COL21A1: variants seen among roughly 807,000 people sequenced by gnomAD.
The protein encoded by COL21A1 is collagen alpha-1(XXI) chain.
COL21A1 carries 149 observed loss-of-function variants against 137.9 expected under a neutral mutation model. The observed-to-expected ratio is 1.08, with a 90% CI of 0.95 to 1.24. COL21A1 has a LOEUF of 1.24. Among genes scored for constraint, COL21A1 ranks in the 50% most tolerant of loss-of-function variants. The pLI is 0.00. For synonymous variants in COL21A1, 456 were observed against 391.5 expected, an observed-to-expected ratio of 1.16 and a Z score of -1.95; for missense variants, 1,167 against 1,158.4, an observed-to-expected ratio of 1.01 and a Z score of -0.11.
In COL21A1 at chr6:56,171,011, T is replaced by G; in HGVS notation, c.758A>C (p.Lys253Thr). Residue 253 changes from lysine to threonine, a missense_variant, in exon 4 of 30, where the codon AAG (lysine) becomes ACG (threonine). Physicochemically the swap from Lys to Thr is moderately conservative, Grantham distance 78 (BLOSUM62 -1). Coordinates refer to ENST00000244728, the MANE Select transcript of COL21A1 (RefSeq NM_030820.4). The part of the protein sequence containing the change: ...VKKRIQLSPK[K>T]IKGYEVTSKV... Reference sequence around the variant, plus strand: ...TGATGTTACTTCATATCCTTTTATCTTTTTTGGTGAAAGCTGTATTCTTTT... The same window carrying G: ...TGATGTTACTTCATATCCTTTTATCGTTTTTGGTGAAAGCTGTATTCTTTT... The G allele has an allele frequency of 6.2e-7, 1 of 1,603,978 alleles. No individual in the cohort carries two copies. The highest frequency in any genetic ancestry group is 1.7e-4 in the Middle Eastern group (1 of 6,008).
At chr6:56,277,840 A>G (rs1366622390) in intron 1 of COL21A1, among the ~76,000 whole-genome samples, 1 of 152,240 alleles carries the variant, frequency 6.6e-6, no homozygotes, top group Non-Finnish European at 1.5e-5. Flanking sequence ...GGTTATTAAG[A>G]TACAGACTTA....
In COL21A1 at chr6:56,168,307, G is replaced by C; in HGVS notation, c.1027-10C>G. On this transcript the variant is annotated splice_polypyrimidine_tract_variant and intron_variant, in intron 5 of 29. Transcript: ENST00000244728. ...CTTCATCAAACAACGTCTACAAAAA[G>C]AAAGTGTGGAAGATTCATAAATAAA... The C allele has an allele frequency of 1.3e-6, 2 of 1,520,258 alleles. No homozygotes were observed. Among genetic ancestry groups the C allele is most frequent in the South Asian group, 1.3e-5 (1 of 75,236 alleles). The allele number at this position is 1,520,258 out of a possible 1,614,324, so 94.2% of individuals were successfully genotyped here. A position where few individuals can be genotyped will look rare whatever the true frequency, so the allele number is the denominator to read the frequency against.
At chr6:56,202,514 T>C (rs1194075058) in intron 1 of COL21A1, among the ~76,000 whole-genome samples, 2 of 149,714 alleles carry the variant, frequency 1.3e-5, no homozygotes, top group Admixed American at 6.6e-5. Flanking sequence ...TTTAATTCGA[T>C]CTTTTTCTAC....
At chr6:56,077,443 A>G (rs1767341031) in intron 18 of COL21A1, 86 bp downstream of exon 18, 1 of 884,818 alleles carries the variant, frequency 1.1e-6, no homozygotes, top group Non-Finnish European at 1.7e-6. Context: ...AACTGTTACC[A>G]CAAATGTAAA....
At chr6:56,351,426 A>G (rs908461082) in intron 1 of COL21A1, among the ~76,000 whole-genome samples, 1 of 152,224 alleles carries the variant, frequency 6.6e-6, no homozygotes, top group Non-Finnish European at 1.5e-5. Context: ...GCACACCAGC[A>G]CATGAAGCTA....
intron 1 of COL21A1, among the ~76,000 whole-genome samples, chr6:56,320,753 A>G (rs930802999): frequency 6.6e-6 from 1 of 152,162 alleles, no homozygotes; most frequent in African/African-American, 2.4e-5. Flanking sequence ...CACCTTATCA[A>G]AAACCCTAAT....
At chr6:56,375,850 T>G (rs962912689) in intron 1 of COL21A1, among the ~76,000 whole-genome samples, 10 of 152,136 alleles carry the variant, frequency 6.6e-5, no homozygotes, top group African/African-American at 2.2e-4. Context: ...GTAGCAGACA[T>G]ATTGCATTCA....
intron 24 of COL21A1, among the ~76,000 whole-genome samples, chr6:56,063,206 G>A (rs1459521578): frequency 6.6e-6 from 1 of 152,136 alleles, no homozygotes; most frequent in Non-Finnish European, 1.5e-5. Flanking sequence ...TTTTCCTTGA[G>A]AAGTGAAAAA....
intron 15 of COL21A1, 29 bp from the exon 16 acceptor site, chr6:56,124,144 T>A: frequency 6.5e-7 from 1 of 1,536,070 alleles, no homozygotes; most frequent in Non-Finnish European, 8.8e-7. Context: ...TGCTTTAATA[T>A]ATTTTTGCAC....
intron 1 of COL21A1, among the ~76,000 whole-genome samples, chr6:56,364,720 TC>T (rs1766057612): frequency 6.6e-6 from 1 of 151,910 alleles, no homozygotes; most frequent in African/African-American, 2.4e-5. Flanking sequence ...ATGATTTTTT[TC>T]TACCCAATTT....
intron 14 of COL21A1, 112 bp from the exon 15 acceptor site, chr6:56,124,404 C>T (rs970701317): frequency 2.9e-5 from 28 of 957,130 alleles, no homozygotes; most frequent in Non-Finnish European, 2.1e-5. Context: ...AGTAAAAACT[C>T]ATGGAACTAC....
chr6:56,264,882 G>A (rs1763360458), intron 1 of COL21A1, among the ~76,000 whole-genome samples: 3 of 152,178 alleles, frequency 2.0e-5, no homozygotes, highest in Admixed American at 6.5e-5. Flanking sequence ...TGTGTTGAGT[G>A]AGACTTTCCT....
intron 18 of COL21A1, 148 bp from the exon 19 acceptor site, chr6:56,075,680 C>G (rs879486415): frequency 2.2e-5 from 13 of 578,650 alleles, no homozygotes; most frequent in Non-Finnish European, 3.6e-5. Flanking sequence ...AAGGAAGGAG[C>G]AAGGCCTTAA....
rs545176643 is a variant in COL21A1, at chr6:56,200,462, C to T, written c.-38-17806G>A. On this transcript the variant is annotated intron_variant, in intron 1 of 29. Transcript: ENST00000244728. ...TAATGCTATCCCTCCCCCCTCCCCC[C>T]ACCCCACAACAGGCCCTAGTGTGAT... Among the ~76,000 whole-genome samples the T allele has an allele frequency of 8.3e-5, 9 of 108,540 alleles. No homozygotes were observed. In the South Asian group the frequency reaches 3.6e-3, roughly 43 times the overall value. 71.2% of individuals were successfully genotyped at this position (108,540 alleles called of 152,430 possible).
intron 21 of COL21A1, 106 bp from the exon 22 acceptor site, chr6:56,069,223 A>C (rs965721420): frequency 4.9e-6 from 3 of 607,742 alleles, no homozygotes; most frequent in East Asian, 6.7e-5. Flanking sequence ...GGTTAAAAAA[A>C]TGTATTGACA....
At chr6:56,278,807 A>T (rs1464048142) in intron 1 of COL21A1, among the ~76,000 whole-genome samples, 1 of 152,168 alleles carries the variant, frequency 6.6e-6, no homozygotes, top group Non-Finnish European at 1.5e-5. Flanking sequence ...ACACCCCACT[A>T]AATATGCAAA....
chr6:56,199,047 T>A (rs2152296242), intron 1 of COL21A1, among the ~76,000 whole-genome samples: 1 of 152,156 alleles, frequency 6.6e-6, no homozygotes, highest in African/African-American at 2.4e-5. Flanking sequence ...CCACAAAACC[T>A]TGTGAGAAAT....
At chr6:56,201,137 T>A (rs1561978061) in intron 1 of COL21A1, among the ~76,000 whole-genome samples, 2 of 152,160 alleles carry the variant, frequency 1.3e-5, no homozygotes, top group African/African-American at 2.4e-5. Flanking sequence ...CTTTGCCCAC[T>A]TTTTGATGGG....
intron 1 of COL21A1, among the ~76,000 whole-genome samples, chr6:56,316,284 CATT>C (rs1308947266): frequency 2.6e-5 from 4 of 151,890 alleles, no homozygotes; most frequent in African/African-American, 9.7e-5. Context: ...TTATTGTAAT[CATT>C]ATGATGTGCA....
Sources: allele counts gnomAD v4.1 joint callset (sites outside exome capture counted in the v4.1 genomes callset), GRCh38; gene constraint gnomAD v4.1.1; transcripts MANE v1.5; gene names NCBI Gene and HGNC (gene_info 2026-07-23, HGNC 2026-07-21).